The following KPNA7 variants were observed in gnomAD, a reference collection of about 807,000 sequenced individuals.
The protein encoded by KPNA7 is karyopherin subunit alpha 7, also known as importin subunit alpha-8.
Under a neutral mutation model 53.7 loss-of-function variants are expected in KPNA7, and 54 were observed. The observed-to-expected ratio is 1.01, with a 90% CI of 0.81 to 1.26. The LOEUF (loss-of-function observed/expected upper bound fraction) is 1.26, where lower values mean the gene tolerates loss of function less well. Among genes scored for constraint, KPNA7 ranks in the 50% most tolerant of loss-of-function variants. KPNA7 has a pLI of 0.00. For synonymous variants in KPNA7, 276 were observed against 259.3 expected, an observed-to-expected ratio of 1.06 and a Z score of -0.62; for missense variants, 640 against 644.5, an observed-to-expected ratio of 0.99 and a Z score of 0.07.
the KPNA7 span, among the ~76,000 whole-genome samples, chr7:99,164,452 C>A: frequency 1.3e-5 from 2 of 151,622 alleles, no homozygotes; most frequent in African/African-American, 4.9e-5. Flanking sequence ...AACACATGGA[C>A]ACAGGAAGGG....
the KPNA7 span, among the ~76,000 whole-genome samples, chr7:99,146,711 TAAAAAAAAAAAAAAAAAAAAAAAAA>T: frequency 1.4e-5 from 1 of 70,402 alleles, no homozygotes. Flanking sequence ...GACTGTGTCT[TAAAAAAAAAAAAAAAAAAAAAAAAA>T]AAAAAAAAAA....
At chr7:99,158,601 T>C in the KPNA7 span, among the ~76,000 whole-genome samples, 2 of 152,094 alleles carry the variant, frequency 1.3e-5, no homozygotes, top group African/African-American at 4.8e-5. Context: ...CCTCCTGAGT[T>C]CAAGCGATTC....
chr7:99,166,209 C>A, the KPNA7 span, among the ~76,000 whole-genome samples: 4 of 152,186 alleles, frequency 2.6e-5, no homozygotes, highest in South Asian at 4.1e-4. Flanking sequence ...CCAAAACAGA[C>A]TAATACACTG....
At chr7:99,189,768 C>G (rs1453742690) in intron 6 of KPNA7, among the ~76,000 whole-genome samples, 1 of 151,276 alleles carries the variant, frequency 6.6e-6, no homozygotes, top group African/African-American at 2.4e-5. Flanking sequence ...GCTAGACATG[C>G]TTTTTGTAGA....
chr7:99,160,607 A>G, the KPNA7 span, among the ~76,000 whole-genome samples: 1 of 152,252 alleles, frequency 6.6e-6, no homozygotes, highest in African/African-American at 2.4e-5. Flanking sequence ...AGTAAATTTT[A>G]AATTCCAGTT....
At chr7:99,176,440 G>T (rs1290184927) in intron 10 of KPNA7, among the ~76,000 whole-genome samples, 4 of 152,240 alleles carry the variant, frequency 2.6e-5, no homozygotes, top group Non-Finnish European at 4.4e-5. Flanking sequence ...TGTCGGCAAG[G>T]GTGTGGAGAA....
rs1231020564 is a variant in KPNA7, at chr7:99,203,092, C to T, written c.201+14G>A. The T allele has an allele frequency of 1.3e-6, 2 of 1,551,600 alleles. No individual in the cohort carries two copies. The highest frequency in any genetic ancestry group is 8.7e-7 in the Non-Finnish European group (1 of 1,146,924). The stretch of plus-strand genomic sequence containing the variant: ...ATATTTTGCCCAAGACTACTCTAAA[C>T]ACTACATACTGACCGCCACCCCTTT... On this transcript the variant is annotated intron_variant, in intron 3 of 10. Coordinates refer to ENST00000327442, the MANE Select transcript of KPNA7 (RefSeq NM_001145715.3).
At chr7:99,187,798 TTAAAA>T (rs1481923415) in intron 7 of KPNA7, among the ~76,000 whole-genome samples, 327 of 2,846 alleles carry the variant, frequency 0.11, 2 homozygotes, top group African/African-American at 0.16. Flanking sequence ...GCCTTTTTTT[TTAAAA>T]AAAAAAAAAA....
the KPNA7 span, among the ~76,000 whole-genome samples, chr7:99,153,398 G>T: frequency 6.6e-6 from 1 of 151,052 alleles, no homozygotes; most frequent in East Asian, 2.0e-4. Context: ...TCTCTACAAA[G>T]ATACAAAAAA....
the KPNA7 span, among the ~76,000 whole-genome samples, chr7:99,158,096 G>A: frequency 4.4e-3 from 669 of 151,116 alleles, 1 homozygote; most frequent in Non-Finnish European, 6.7e-3. Context: ...TGTTGCCCAC[G>A]CTGGTCTGGT....
At chr7:99,212,509 C>T (rs1012243294), upstream of KPNA7, among the ~76,000 whole-genome samples, 3 of 151,902 alleles carry the variant, frequency 2.0e-5, no homozygotes, top group East Asian at 1.9e-4. Flanking sequence ...CCGCCTCGGT[C>T]CCCCAAAGTG....
At chr7:99,167,030 T>G in the KPNA7 span, among the ~76,000 whole-genome samples, 1 of 152,192 alleles carries the variant, frequency 6.6e-6, no homozygotes, top group South Asian at 2.1e-4. Flanking sequence ...GTTTGGGAGA[T>G]TCCCATAATA....
Position 99,185,215 on chromosome 7 carries a change from G to T in KPNA7, c.901-53C>A. On this transcript the variant is annotated intron_variant, in intron 7 of 10. Coordinates refer to ENST00000327442, the MANE Select transcript of KPNA7 (RefSeq NM_001145715.3). ...TATTTCAAGTCTATCCCAGGAGAAGGCAACAATCACACCAAGTTCTGTTCT... is the reference window on the plus strand; with the variant it reads ...TATTTCAAGTCTATCCCAGGAGAAGTCAACAATCACACCAAGTTCTGTTCT... 1.6e-6 allele frequency: 2 copies of T among 1,278,662 alleles called. 1 individual carries two copies. The highest frequency in any genetic ancestry group is 2.2e-6 in the Non-Finnish European group (2 of 899,904). 79.2% of individuals were successfully genotyped at this position (1,278,662 alleles called of 1,614,324 possible).
the KPNA7 span, among the ~76,000 whole-genome samples, chr7:99,158,536 C>T: frequency 2.6e-5 from 4 of 152,082 alleles, no homozygotes; most frequent in Non-Finnish European, 5.9e-5. Flanking sequence ...TGGAGTCTCA[C>T]TCTGTCGCCC....
intron 8 of KPNA7, 21 bp downstream of exon 8, chr7:99,184,908 G>T: frequency 4.5e-6 from 7 of 1,543,838 alleles, no homozygotes; most frequent in Non-Finnish European, 6.1e-6. Context: ...CTTTGCCATG[G>T]TTGCTGTGTG....
chr7:99,162,907 A>T, the KPNA7 span, among the ~76,000 whole-genome samples: 1 of 152,170 alleles, frequency 6.6e-6, no homozygotes, highest in Non-Finnish European at 1.5e-5. Context: ...AAGGCTGGAC[A>T]CGGTAGCTCA....
At chr7:99,157,058 G>A in the KPNA7 span, among the ~76,000 whole-genome samples, 1 of 151,982 alleles carries the variant, frequency 6.6e-6, no homozygotes, top group Non-Finnish European at 1.5e-5. Flanking sequence ...TTCTGAGAGT[G>A]TTCCTTTTTC....
chr7:99,183,297 G>A (rs1183270130), intron 8 of KPNA7, among the ~76,000 whole-genome samples: 1 of 152,032 alleles, frequency 6.6e-6, no homozygotes, highest in Non-Finnish European at 1.5e-5. Context: ...TTTATAAAAT[G>A]CACTTGGCCA....
intron 1 of KPNA7, among the ~76,000 whole-genome samples, chr7:99,215,933 C>T (rs1043500361): frequency 1.3e-5 from 2 of 151,316 alleles, no homozygotes; most frequent in African/African-American, 4.9e-5. Context: ...GTTATGATTG[C>T]ACCACTACGC....
Sources: allele counts gnomAD v4.1 joint callset (sites outside exome capture counted in the v4.1 genomes callset), GRCh38; gene constraint gnomAD v4.1.1; transcripts MANE v1.5; gene names NCBI Gene and HGNC (gene_info 2026-07-23, HGNC 2026-07-21).